The following SZRD1 variants were observed in gnomAD, a reference collection of about 807,000 sequenced individuals.
The protein encoded by SZRD1 is SUZ RNA binding domain containing 1.
Under a neutral mutation model 17.6 loss-of-function variants are expected in SZRD1, and 7 were observed. The observed-to-expected ratio is 0.40, with a 90% CI of 0.23 to 0.75. SZRD1 has a LOEUF of 0.75. SZRD1 is among the 30% of genes least tolerant of loss of function. The probability of loss-of-function intolerance (pLI) is 0.38; values close to 1 mark genes in which losing one functional copy is unlikely to be tolerated. For missense variants in SZRD1, 178 were observed against 201.8 expected (o/e 0.88, Z 0.71); for synonymous variants, 77 against 77.9 (o/e 0.99, Z 0.06).
rs369324732 is a variant in SZRD1, at chr1:16,391,564, T to C, written c.101+140T>C. 3 of 728,020 alleles carry C rather than the reference T, an allele frequency of 4.1e-6. No homozygotes were observed. The highest frequency in any genetic ancestry group is 5.6e-5 in the East Asian group (2 of 36,016). 45.1% of individuals were successfully genotyped at this position (728,020 alleles called of 1,614,324 possible). A position where few individuals can be genotyped will look rare whatever the true frequency, so the allele number is the denominator to read the frequency against. ...GGGGCAGCAAACCCTTCCCTCCAAATTGGAGACCAGGACGTGGTGGCTTGA... is the reference window on the plus strand; with the variant it reads ...GGGGCAGCAAACCCTTCCCTCCAAACTGGAGACCAGGACGTGGTGGCTTGA... On this transcript the variant is annotated intron_variant, in intron 2 of 3. Coordinates refer to ENST00000401088, the MANE Select transcript of SZRD1 (RefSeq NM_001114600.3). The surrounding 1 kb of genome is among the most constrained non-coding windows in gnomAD (Gnocchi z 4.3).
At chr1:16,381,725 A>G (rs2083108492) in intron 1 of SZRD1, among the ~76,000 whole-genome samples, 1 of 151,794 alleles carries the variant, frequency 6.6e-6, no homozygotes, top group African/African-American at 2.4e-5. Flanking sequence ...TAAGGTCAGG[A>G]GTTCAAGACC....
intron 1 of SZRD1, among the ~76,000 whole-genome samples, chr1:16,376,086 T>C (rs1443473194): frequency 6.6e-6 from 1 of 152,182 alleles, no homozygotes; most frequent in African/African-American, 2.4e-5. Context: ...ATTTTTACAA[T>C]CATTAGCAGT....
chr1:16,387,800 A>C lies in SZRD1; in HGVS notation c.52-3575A>C. On this transcript the variant is annotated intron_variant, in intron 1 of 3. Coordinates refer to ENST00000401088, the MANE Select transcript of SZRD1 (RefSeq NM_001114600.3). The stretch of plus-strand genomic sequence containing the variant: ...TTGTGAGAAGCCCTTAAAAGGTAAT[A>C]GGCAATAGACTAATATGAGCTGTAG... The C allele has an allele frequency of 2.1e-5, 9 of 428,034 alleles. 1 individual carries two copies. Among genetic ancestry groups the C allele is most frequent in the South Asian group, 1.5e-4 (9 of 59,470 alleles). The allele number at this position is 428,034 out of a possible 1,614,324, so 26.5% of individuals were successfully genotyped here.
chr1:16,387,049 A>G (rs1037626845), intron 1 of SZRD1: 1 of 289,770 alleles, frequency 3.5e-6, no homozygotes, highest in African/African-American at 2.3e-5. Flanking sequence ...TTTGTCTGCC[A>G]AACAGGGCTG....
chr1:16,386,199 T>C (rs998273484), intron 1 of SZRD1, among the ~76,000 whole-genome samples: 1 of 152,240 alleles, frequency 6.6e-6, no homozygotes, highest in African/African-American at 2.4e-5. Flanking sequence ...CACCGCCCTG[T>C]GTGGTATGCT....
chr1:16,369,794 CAGG>C (rs1016357801), intron 1 of SZRD1, among the ~76,000 whole-genome samples: 1 of 150,874 alleles, frequency 6.6e-6, no homozygotes, highest in African/African-American at 2.4e-5. Context: ...GAGGCTGAGC[CAGG>C]AGAATTGCTT....
chr1:16,368,911 G>A (rs904329612), intron 1 of SZRD1, among the ~76,000 whole-genome samples: 29 of 152,164 alleles, frequency 1.9e-4, no homozygotes, highest in Non-Finnish European at 4.1e-4. Context: ...AGAAGTTGGA[G>A]GCAAATGAAC....
chr1:16,377,978 C>G (rs554583825), intron 1 of SZRD1, among the ~76,000 whole-genome samples: 1 of 152,200 alleles, frequency 6.6e-6, no homozygotes, highest in East Asian at 1.9e-4. Flanking sequence ...AATTGTATTG[C>G]TTAGTGTTGT....
rs1438171168 is a variant in SZRD1 at position 16,398,126 on chromosome 1, T to C, written c.*2986T>C. On this transcript the variant is annotated 3_prime_UTR_variant, in exon 4 of 4. Transcript: ENST00000401088. ...AGCATTTTATAAATTGTATTTTAAA[T>C]ACATGTTTTAAACTTGTCAGATCTT... The C allele has an allele frequency of 1.9e-6, 1 of 534,818 alleles. No individual in the cohort carries two copies. The highest frequency in any genetic ancestry group is 2.1e-5 in the African/African-American group (1 of 48,410). The allele number at this position is 534,818 out of a possible 1,614,324, so 33.1% of individuals were successfully genotyped here.
Position 16,391,437 on chromosome 1 carries a change from T to C in SZRD1, c.101+13T>C. 4 of 1,548,100 alleles carry C rather than the reference T, an allele frequency of 2.6e-6. No homozygotes were observed. The highest frequency in any genetic ancestry group is 3.5e-6 in the Non-Finnish European group (4 of 1,145,526). ...CACAAAAAGAGAGGTAAGGCTGCTG[T>C]CTGGTCTGAGGGCTCATGCTCTCTG... On this transcript the variant is annotated intron_variant, in intron 2 of 3. Transcript: ENST00000401088. This position sits in a 1 kb window ranked among gnomAD's most constrained non-coding sequence, Gnocchi z 4.3.
intron 1 of SZRD1, among the ~76,000 whole-genome samples, chr1:16,385,400 CA>C (rs1200848204): frequency 6.6e-6 from 1 of 152,062 alleles, no homozygotes; most frequent in Non-Finnish European, 1.5e-5. Flanking sequence ...ATCAGTCCCC[CA>C]GGGCATCATC....
chr1:16,395,391 G>T lies in SZRD1; in HGVS notation c.*251G>T. ...TCCCAAGTCAATGGAAAGGGAAAGG[G>T]TGGGGGTTAGGGGAAGGTTGGGGGG... On this transcript the variant is annotated 3_prime_UTR_variant, in exon 4 of 4. Transcript: ENST00000401088. 1 of 506,634 alleles carries T rather than the reference G, an allele frequency of 2.0e-6. No homozygotes were observed. 31.4% of individuals were successfully genotyped at this position (506,634 alleles called of 1,614,324 possible).
At chr1:16,371,466 T>C (rs1033490280) in intron 1 of SZRD1, among the ~76,000 whole-genome samples, 4 of 146,468 alleles carry the variant, frequency 2.7e-5, no homozygotes, top group African/African-American at 7.5e-5. Context: ...TTTTTCCCCT[T>C]TTTTTTTTTT....
Position 16,397,476 on chromosome 1 carries a change from T to C in SZRD1, c.*2336T>C, listed in dbSNP as rs188610814. 6.6e-6 allele frequency: 1 copy of C among 152,390 alleles called. No homozygotes were observed. Among genetic ancestry groups the C allele is most frequent in the African/African-American group, 2.4e-5 (1 of 41,584 alleles). 9.4% of individuals were successfully genotyped at this position (152,390 alleles called of 1,614,324 possible). A position where few individuals can be genotyped will look rare whatever the true frequency, so the allele number is the denominator to read the frequency against. ...ACTTTCCTAAGTGCTTTTTTTCCTTTTCTTTTTTAAAGTAAGTTGCAGGCT... is the reference window on the plus strand; with the variant it reads ...ACTTTCCTAAGTGCTTTTTTTCCTTCTCTTTTTTAAAGTAAGTTGCAGGCT... On this transcript the variant is annotated 3_prime_UTR_variant, in exon 4 of 4. Coordinates refer to ENST00000401088, the MANE Select transcript of SZRD1 (RefSeq NM_001114600.3). The surrounding 1 kb of genome is among the most constrained non-coding windows in gnomAD (Gnocchi z 5.4).
intron 1 of SZRD1, among the ~76,000 whole-genome samples, chr1:16,379,470 C>T (rs1184681693): frequency 6.6e-6 from 1 of 152,228 alleles, no homozygotes; most frequent in African/African-American, 2.4e-5. Context: ...CACTTAACTT[C>T]CGGGTATGCA....
At chr1:16,390,290 C>T (rs940102520) in intron 1 of SZRD1, among the ~76,000 whole-genome samples, 2 of 152,130 alleles carry the variant, frequency 1.3e-5, no homozygotes, top group Admixed American at 6.6e-5. Context: ...GATGCTCACA[C>T]GCGTGTGTGG....
Position 16,395,537 on chromosome 1 carries a change from A to ACACC in SZRD1, c.*407_*410dup. 4.9e-6 allele frequency: 1 copy of ACACC among 202,824 alleles called. No individual in the cohort carries two copies. Among genetic ancestry groups the ACACC allele is most frequent in the Non-Finnish European group, 1.0e-5 (1 of 96,832 alleles). 12.6% of individuals were successfully genotyped at this position (202,824 alleles called of 1,614,324 possible). A position where few individuals can be genotyped will look rare whatever the true frequency, so the allele number is the denominator to read the frequency against. ...GATTTCAAAACACAAATGAAAACTC[A>ACACC]CACCCACCCACCCCCAAGTGCATGT... On this transcript the variant is annotated 3_prime_UTR_variant, in exon 4 of 4. Transcript: ENST00000401088.
chr1:16,392,822 C>T (rs955055125), intron 2 of SZRD1, among the ~76,000 whole-genome samples: 2 of 152,186 alleles, frequency 1.3e-5, no homozygotes, highest in Non-Finnish European at 2.9e-5. Flanking sequence ...AAGGCTCCCA[C>T]CCCACCAGCC....
Position 16,395,327 on chromosome 1 carries a change from T to G in SZRD1, c.*187T>G. ...CCATGCACTGTGACCTCCCCCCTTC[T>G]CCCCCTTCCCACTGTGATTGGCACA... On this transcript the variant is annotated 3_prime_UTR_variant, in exon 4 of 4. Coordinates refer to ENST00000401088, the MANE Select transcript of SZRD1 (RefSeq NM_001114600.3). 4.9e-6 allele frequency: 3 copies of G among 612,596 alleles called. No individual in the cohort carries two copies. The highest frequency in any genetic ancestry group is 6.1e-6 in the Non-Finnish European group (2 of 328,374). The allele number at this position is 612,596 out of a possible 1,614,324, so 37.9% of individuals were successfully genotyped here.
Sources: allele counts gnomAD v4.1 joint callset (sites outside exome capture counted in the v4.1 genomes callset), GRCh38; gene constraint gnomAD v4.1.1; non-coding constraint Gnocchi (gnomAD v3.1); transcripts MANE v1.5; gene names NCBI Gene and HGNC (gene_info 2026-07-23, HGNC 2026-07-21).